LAMA3: variants seen among roughly 807,000 people sequenced by gnomAD.
LAMA3 encodes laminin subunit alpha 3, also known as laminin subunit alpha-3.
In LAMA3, 281 loss-of-function variants were observed where a neutral mutation model predicts 402.0. That is an observed-to-expected ratio of 0.70 (90% CI 0.63 to 0.77). The LOEUF (loss-of-function observed/expected upper bound fraction) is 0.77, where lower values mean the gene tolerates loss of function less well. Ranked by LOEUF, LAMA3 falls within the 30% of genes least tolerant of loss-of-function variation. The pLI is 0.00. For missense variants in LAMA3, 3,840 were observed against 4,215.5 expected (o/e 0.91, Z 2.47); for synonymous variants, 1,431 against 1,558.4 (o/e 0.92, Z 1.93).
chr18:23,877,190 C>T (rs548493445), intron 39 of LAMA3, among the ~76,000 whole-genome samples: 1 of 152,256 alleles, frequency 6.6e-6, no homozygotes, highest in Non-Finnish European at 1.5e-5. Flanking sequence ...CAACATCCAC[C>T]GCCTGCCTGT....
intron 2 of LAMA3, among the ~76,000 whole-genome samples, chr18:23,744,756 T>C (rs972210641): frequency 2.4e-4 from 32 of 134,774 alleles, no homozygotes; most frequent in Middle Eastern, 5.2e-3. Context: ...GGCGTGAACC[T>C]GGGAGGCGGA....
chr18:23,780,137 A>G (rs2143954212), intron 11 of LAMA3, among the ~76,000 whole-genome samples: 1 of 152,280 alleles, frequency 6.6e-6, no homozygotes, highest in South Asian at 2.1e-4. Context: ...AATACTTAGC[A>G]TATTCTTCAT....
intron 38 of LAMA3, among the ~76,000 whole-genome samples, chr18:23,872,454 A>G (rs1271154539): frequency 6.6e-6 from 1 of 152,136 alleles, no homozygotes; most frequent in Non-Finnish European, 1.5e-5. Context: ...AGTAGCAAAC[A>G]CTCATTCTGT....
chr18:23,738,352 G>A (rs987824693), intron 2 of LAMA3, among the ~76,000 whole-genome samples: 1 of 152,076 alleles, frequency 6.6e-6, no homozygotes, highest in African/African-American at 2.4e-5. Flanking sequence ...TTGACAGGAG[G>A]AGGTTCCTCC....
intron 44 of LAMA3, among the ~76,000 whole-genome samples, chr18:23,897,098 C>G (rs2080900346): frequency 6.6e-6 from 1 of 152,048 alleles, no homozygotes; most frequent in Admixed American, 6.5e-5. Flanking sequence ...GGGGAAACCT[C>G]CAGAAATCAA....
At chr18:23,840,818 A>G (rs1464673952) in intron 27 of LAMA3, among the ~76,000 whole-genome samples, 1 of 152,180 alleles carries the variant, frequency 6.6e-6, no homozygotes, top group Non-Finnish European at 1.5e-5. Context: ...CTTATCCAAA[A>G]TGCTTGTGAT....
intron 41 of LAMA3, among the ~76,000 whole-genome samples, chr18:23,886,648 G>A (rs190660294): frequency 1.3e-5 from 2 of 152,176 alleles, no homozygotes; most frequent in Non-Finnish European, 2.9e-5. Context: ...CAATTTGATA[G>A]AGAAAAATTG....
At chr18:23,745,663 G>T (rs1443847811) in intron 2 of LAMA3, among the ~76,000 whole-genome samples, 8 of 152,112 alleles carry the variant, frequency 5.3e-5, no homozygotes, top group South Asian at 2.1e-4. Flanking sequence ...TTTAAAGTGG[G>T]GTTAATAAAA....
chr18:23,743,534 C>A (rs1598699773), intron 2 of LAMA3, among the ~76,000 whole-genome samples: 1 of 152,196 alleles, frequency 6.6e-6, no homozygotes, highest in South Asian at 2.1e-4. Context: ...AGAGGACAGG[C>A]TGTACCAATC....
At chr18:23,821,430 TC>T (rs2144395729) in intron 19 of LAMA3, among the ~76,000 whole-genome samples, 1 of 152,292 alleles carries the variant, frequency 6.6e-6, no homozygotes, top group East Asian at 1.9e-4. Flanking sequence ...TAAAAAAATA[TC>T]CCCTTCCTTT....
At chr18:23,846,264 A>G (rs1356638026) in intron 30 of LAMA3, 33 bp from the exon 31 acceptor site, 10 of 1,607,002 alleles carry the variant, frequency 6.2e-6, no homozygotes, top group Non-Finnish European at 8.5e-6. Context: ...ACACCTCCCC[A>G]GGCATCACCA....
chr18:23,818,544 A>AT (rs1248577844), intron 18 of LAMA3, among the ~76,000 whole-genome samples: 1 of 152,184 alleles, frequency 6.6e-6, no homozygotes, highest in Non-Finnish European at 1.5e-5. Flanking sequence ...TTATCAGAGA[A>AT]TTTTTAGGTT....
chr18:23,841,167 A>G (rs2063693438), intron 27 of LAMA3, among the ~76,000 whole-genome samples: 1 of 152,214 alleles, frequency 6.6e-6, no homozygotes, highest in African/African-American at 2.4e-5. Flanking sequence ...TCAAGATGAC[A>G]AGAGTTCTAG....
At chr18:23,905,792 G>A (rs930785670) in intron 52 of LAMA3, among the ~76,000 whole-genome samples, 168 bp downstream of exon 52, 11 of 152,188 alleles carry the variant, frequency 7.2e-5, no homozygotes, top group African/African-American at 1.7e-4. Context: ...TAATAGAGAT[G>A]GGGTCTCCGT....
rs1321129838 is a variant in LAMA3, at chr18:23,918,313, C to T, written c.7923+1618C>T. Among the ~76,000 whole-genome samples the T allele has an allele frequency of 6.6e-6, 1 of 152,180 alleles. No individual in the cohort carries two copies. The highest frequency in any genetic ancestry group is 1.5e-5 in the Non-Finnish European group (1 of 68,042). The stretch of plus-strand genomic sequence containing the variant: ...GCCCCCCAAAATGTGGGAGAAATCT[C>T]CCCTTTTCCTGTTCTATTCTCATTA... On this transcript the variant is annotated intron_variant, in intron 60 of 74. Coordinates refer to ENST00000313654, the MANE Select transcript of LAMA3 (RefSeq NM_198129.4). This position sits in a 1 kb window ranked among gnomAD's most constrained non-coding sequence, Gnocchi z 4.1.
At chr18:23,798,288 T>G (rs1347065276) in intron 12 of LAMA3, among the ~76,000 whole-genome samples, 1 of 152,124 alleles carries the variant, frequency 6.6e-6, no homozygotes, top group Non-Finnish European at 1.5e-5. Flanking sequence ...CACCCGGAAG[T>G]GCAGCTTCCC....
chr18:23,836,844 A>G, intron 24 of LAMA3, 137 bp from the exon 25 acceptor site: 1 of 704,532 alleles, frequency 1.4e-6, no homozygotes, highest in Non-Finnish European at 2.6e-6. Flanking sequence ...TCTTCAACTC[A>G]TCATGCAGGA....
At position 23,932,384 on chromosome 18, in the gene LAMA3, A is replaced by G. The variant is rs180849821; in HGVS notation, c.8708+93A>G. 8.0e-6 allele frequency: 11 copies of G among 1,378,680 alleles called. No individual in the cohort carries two copies. The East Asian group carries it at 2.6e-4, about 32-fold the overall frequency. The allele number at this position is 1,378,680 out of a possible 1,614,324, so 85.4% of individuals were successfully genotyped here. On this transcript the variant is annotated intron_variant, in intron 66 of 74. Transcript: ENST00000313654. Reference sequence around the variant, plus strand: ...TCCAGTTAACAAAGTCAGCTTTGTCAACATGTGCTGCACGAGACCCGCATA... The same window carrying G: ...TCCAGTTAACAAAGTCAGCTTTGTCGACATGTGCTGCACGAGACCCGCATA...
intron 12 of LAMA3, among the ~76,000 whole-genome samples, chr18:23,807,370 G>C (rs1374426542): frequency 6.6e-6 from 1 of 152,058 alleles, no homozygotes; most frequent in African/African-American, 2.4e-5. Context: ...ACCAAAATCT[G>C]TATTAGTCAG....
Sources: allele counts gnomAD v4.1 joint callset (sites outside exome capture counted in the v4.1 genomes callset), GRCh38; gene constraint gnomAD v4.1.1; non-coding constraint Gnocchi (gnomAD v3.1); transcripts MANE v1.5; gene names NCBI Gene and HGNC (gene_info 2026-07-23, HGNC 2026-07-21).